Variants in RPS6KA2 observed in about 807,000 individuals in gnomAD.
The protein encoded by RPS6KA2 is ribosomal protein S6 kinase A2, also known as ribosomal protein S6 kinase alpha-2.
RPS6KA2 carries 42 observed loss-of-function variants against 91.8 expected under a neutral mutation model. The ratio of observed to expected loss-of-function variants is 0.46; its 90% CI spans 0.36 to 0.59. The LOEUF is 0.59. Ranked by LOEUF, RPS6KA2 falls within the 20% of genes least tolerant of loss-of-function variation. The probability of loss-of-function intolerance (pLI) is 0.00; values close to 1 mark genes in which losing one functional copy is unlikely to be tolerated. For synonymous variants in RPS6KA2, 414 were observed against 393.6 expected, an observed-to-expected ratio of 1.05 and a Z score of -0.61; for missense variants, 798 against 978.5, an observed-to-expected ratio of 0.82 and a Z score of 2.46.
Position 166,702,730 on chromosome 6 carries a change from A to G in RPS6KA2, c.123+155470T>C, listed in dbSNP as rs1051782233. On this transcript the variant is annotated intron_variant, in intron 2 of 21. Transcript: ENST00000503859. ...TGGGCAGTCCACGAACGCGTAGCCAATCTTCACCAGGAAGGGTCCCGACAC... is the reference window on the plus strand; with the variant it reads ...TGGGCAGTCCACGAACGCGTAGCCAGTCTTCACCAGGAAGGGTCCCGACAC... 90 of 1,261,480 alleles carry G rather than the reference A, an allele frequency of 7.1e-5. No homozygotes were observed. In the African/African-American group the frequency reaches 1.0e-3, roughly 14 times the overall value. 78.1% of individuals were successfully genotyped at this position (1,261,480 alleles called of 1,614,324 possible). A position where few individuals can be genotyped will look rare whatever the true frequency, so the allele number is the denominator to read the frequency against.
chr6:166,480,437 G>T (rs1192645268), intron 10 of RPS6KA2, among the ~76,000 whole-genome samples: 1 of 141,486 alleles, frequency 7.1e-6, no homozygotes, highest in Non-Finnish European at 1.5e-5. Context: ...AGATGTTTTG[G>T]ACCTGACAAG....
intron 2 of RPS6KA2, among the ~76,000 whole-genome samples, chr6:166,847,642 A>G (rs1780639502): frequency 6.6e-6 from 1 of 152,222 alleles, no homozygotes; most frequent in African/African-American, 2.4e-5. Flanking sequence ...CAAAGCAAAC[A>G]AAAACATAAA....
At chr6:166,619,480 A>G (rs1011343723) in intron 1 of RPS6KA2, among the ~76,000 whole-genome samples, 1 of 152,272 alleles carries the variant, frequency 6.6e-6, no homozygotes, top group Non-Finnish European at 1.5e-5. Flanking sequence ...GCACCTTTGC[A>G]AGCATAGTGT....
chr6:166,479,437 C>T (rs1781106117), intron 10 of RPS6KA2, among the ~76,000 whole-genome samples: 1 of 152,206 alleles, frequency 6.6e-6, no homozygotes, highest in Non-Finnish European at 1.5e-5. Context: ...GGGGGGCGGC[C>T]CCGGCCACAG....
intron 16 of RPS6KA2, among the ~76,000 whole-genome samples, chr6:166,430,070 G>C (rs1302770649): frequency 6.6e-6 from 1 of 151,268 alleles, no homozygotes; most frequent in Non-Finnish European, 1.5e-5. Flanking sequence ...TAATTCTCCT[G>C]CCTCAGCCTC....
Position 166,508,909 on chromosome 6 carries a change from C to G in RPS6KA2, c.380-627G>C, listed in dbSNP as rs1248903908. ...GCTCCTGCCCACACTCAGCAAGGGC[C>G]TGCCTCTGTTGAGCGGGCGCATGAG... is the stretch of plus-strand genomic sequence containing the variant. On this transcript the variant is annotated intron_variant, in intron 4 of 20. Transcript: ENST00000265678. This position sits in a 1 kb window ranked among gnomAD's most constrained non-coding sequence, Gnocchi z 4.3. Among the ~76,000 whole-genome samples, 1 of 152,186 alleles carries G rather than the reference C, an allele frequency of 6.6e-6. No homozygotes were observed. Among genetic ancestry groups the G allele is most frequent in the East Asian group, 1.9e-4 (1 of 5,192 alleles).
intron 1 of RPS6KA2, among the ~76,000 whole-genome samples, chr6:166,540,395 A>G (rs1783616396): frequency 6.6e-6 from 1 of 152,224 alleles, no homozygotes. Flanking sequence ...GTTAAAGGAA[A>G]CACTTTCGTC....
At chr6:166,549,167 A>G (rs1263374555) in intron 1 of RPS6KA2, among the ~76,000 whole-genome samples, 1 of 152,244 alleles carries the variant, frequency 6.6e-6, no homozygotes, top group Non-Finnish European at 1.5e-5. Flanking sequence ...AAATAGTGAT[A>G]AACATCAAAC....
chr6:166,532,787 C>A (rs1186168120), intron 2 of RPS6KA2, among the ~76,000 whole-genome samples: 1 of 152,120 alleles, frequency 6.6e-6, no homozygotes. Context: ...TATACCATCA[C>A]CGACAGTTAA....
chr6:166,583,127 C>T (rs1342178253), intron 1 of RPS6KA2, among the ~76,000 whole-genome samples: 3 of 152,150 alleles, frequency 2.0e-5, no homozygotes, highest in Admixed American at 2.0e-4. Flanking sequence ...AAGTTTTACT[C>T]GCATTCGCAT....
chr6:166,820,139 G>T (rs1190143598), intron 2 of RPS6KA2, among the ~76,000 whole-genome samples: 3 of 152,086 alleles, frequency 2.0e-5, no homozygotes, highest in African/African-American at 7.2e-5. Flanking sequence ...CTTTTATCCA[G>T]GGGACATGTA....
chr6:166,442,632 T>C (rs554737449), intron 14 of RPS6KA2, among the ~76,000 whole-genome samples: 1 of 152,322 alleles, frequency 6.6e-6, no homozygotes, highest in Non-Finnish European at 1.5e-5. Flanking sequence ...TCTCAGGAAC[T>C]TCAGTTCTCG....
intron 1 of RPS6KA2, among the ~76,000 whole-genome samples, chr6:166,619,647 C>T (rs532074144): frequency 2.6e-5 from 4 of 152,380 alleles, no homozygotes; most frequent in Non-Finnish European, 5.9e-5. Flanking sequence ...CCTTGCCCGG[C>T]TCCCAGCTTT....
In RPS6KA2 at chr6:166,430,622, G is replaced by C; in HGVS notation, c.1423-11C>G. ...GCCATCATCATAGACCTGCGGAGTGGAGAAGGGGCGCACACGTCACCACGG... is the reference window on the plus strand; with the variant it reads ...GCCATCATCATAGACCTGCGGAGTGCAGAAGGGGCGCACACGTCACCACGG... On this transcript the variant is annotated splice_polypyrimidine_tract_variant and intron_variant, in intron 15 of 20. Transcript: ENST00000265678. The C allele has an allele frequency of 6.2e-7, 1 of 1,607,634 alleles. No homozygotes were observed. The highest frequency in any genetic ancestry group is 8.5e-7 in the Non-Finnish European group (1 of 1,175,538).
rs948995466 is a variant in RPS6KA2 at position 166,726,742 on chromosome 6, T to C, written c.123+131458A>G. ...TGCGATACCGGTTTCCATAAGCTTC[T>C]GTGAATTCTTGTCAAAGCTTTAAAA... On this transcript the variant is annotated intron_variant, in intron 2 of 21. Coordinates refer to the RPS6KA2 transcript ENST00000503859. The surrounding 1 kb of genome is among the most constrained non-coding windows in gnomAD (Gnocchi z 4.4). Among the ~76,000 whole-genome samples, 9 of 152,250 alleles carry C rather than the reference T, an allele frequency of 5.9e-5. No individual in the cohort carries two copies. The highest frequency in any genetic ancestry group is 4.6e-4 in the Admixed American group (7 of 15,290).
intron 1 of RPS6KA2, among the ~76,000 whole-genome samples, chr6:166,582,710 T>C (rs975395495): frequency 3.9e-5 from 6 of 152,256 alleles, no homozygotes; most frequent in Non-Finnish European, 8.8e-5. Context: ...AGAGGTTAGA[T>C]ATGATTTCCA....
Position 166,664,117 on chromosome 6 carries a change from G to A in RPS6KA2, c.124-125333C>T, listed in dbSNP as rs1436298463. On this transcript the variant is annotated intron_variant, in intron 2 of 21. Transcript: ENST00000503859. Reference sequence around the variant, plus strand: ...GTGTCCATCTGCACATTGCACATAGGATAGGCCATTCTTTTTAGCATTGCC... The same window carrying A: ...GTGTCCATCTGCACATTGCACATAGAATAGGCCATTCTTTTTAGCATTGCC... 2.6e-5 allele frequency among the ~76,000 whole-genome samples: 4 copies of A among 152,342 alleles called. No homozygotes were observed. The East Asian group carries it at 7.7e-4, about 29-fold the overall frequency.
chr6:166,757,892 C>A, intron 2 of RPS6KA2: 3 of 254,664 alleles, frequency 1.2e-5, no homozygotes, highest in South Asian at 8.0e-5. Flanking sequence ...TGGCCTTCTC[C>A]TCTGATGAGA....
chr6:166,769,238 T>C (rs1354542206), intron 2 of RPS6KA2, among the ~76,000 whole-genome samples: 1 of 152,114 alleles, frequency 6.6e-6, no homozygotes, highest in African/African-American at 2.4e-5. Flanking sequence ...AGGTGTGGAT[T>C]GGGATGATAC....
Sources: allele counts gnomAD v4.1 joint callset (sites outside exome capture counted in the v4.1 genomes callset), GRCh38; gene constraint gnomAD v4.1.1; non-coding constraint Gnocchi (gnomAD v3.1); transcripts MANE v1.5; gene names NCBI Gene and HGNC (gene_info 2026-07-23, HGNC 2026-07-21).